Variants in PDE9A observed in about 807,000 individuals in gnomAD.
PDE9A encodes high affinity cGMP-specific 3',5'-cyclic phosphodiesterase 9A.
A neutral mutation model predicts 87.4 loss-of-function variants in PDE9A; 60 were observed. That is an observed-to-expected ratio of 0.69 (90% CI 0.56 to 0.85). The LOEUF (loss-of-function observed/expected upper bound fraction) is 0.85. Among genes scored for constraint, PDE9A ranks in the 40% least tolerant of loss-of-function variants. The pLI is 0.00. For synonymous variants in PDE9A, 272 were observed against 279.4 expected (o/e 0.97, Z 0.27); for missense variants, 665 against 779.0 (o/e 0.85, Z 1.74).
At chr21:42,773,976 G>A (rs1184590856) in intron 19 of PDE9A, among the ~76,000 whole-genome samples, 1 of 151,382 alleles carries the variant, frequency 6.6e-6, no homozygotes, top group African/African-American at 2.4e-5. Context: ...GTGGTGGTGG[G>A]TGCCTGTATT....
intron 4 of PDE9A, among the ~76,000 whole-genome samples, chr21:42,717,217 C>A (rs2050012439): frequency 6.7e-6 from 1 of 148,728 alleles, no homozygotes; most frequent in Non-Finnish European, 1.5e-5. Flanking sequence ...TAAAGCATTT[C>A]TTTTTTCTTT....
In PDE9A at chr21:42,770,832, C is replaced by T. The variant is rs150591881; in HGVS notation, c.1686+34C>T. On this transcript the variant is annotated intron_variant, in intron 18 of 19. Transcript: ENST00000291539. ...CACTGAGAAGAGCCTGCCTTCCTTG[C>T]GGCAAGCAGGCACGCTGCCCTCCGC... 23 of 1,538,044 alleles carry T rather than the reference C, an allele frequency of 1.5e-5. No homozygotes were observed. The East Asian group carries it at 2.3e-4, about 15-fold the overall frequency.
At chr21:42,655,335 A>C (rs1340978036) in intron 1 of PDE9A, among the ~76,000 whole-genome samples, 1 of 152,220 alleles carries the variant, frequency 6.6e-6, no homozygotes, top group Non-Finnish European at 1.5e-5. Context: ...GGTCCGTCCT[A>C]AGAACTTCCT....
At position 42,686,180 on chromosome 21, in the gene PDE9A, T is replaced by C; in HGVS notation, c.70-12T>C. ...GCCCTCGCTGCCGCCTCACCGCGCT[T>C]CTGTTTTGCAGGTAATCTTCAGCAA... On this transcript the variant is annotated splice_polypyrimidine_tract_variant and intron_variant, in intron 1 of 19. Transcript: ENST00000291539. 1 of 1,612,620 alleles carries C rather than the reference T, an allele frequency of 6.2e-7. No homozygotes were observed. The highest frequency in any genetic ancestry group is 2.2e-5 in the East Asian group (1 of 44,858).
Position 42,775,354 on chromosome 21 carries a change from T to G in PDE9A, c.*61T>G. ...CTGGCCGAGCTGCGCGGGATCCTTG[T>G]GCAGGGAAGAGCTGCCCTGGGCACC... is the stretch of plus-strand genomic sequence containing the variant. On this transcript the variant is annotated 3_prime_UTR_variant, in exon 20 of 20. Coordinates refer to ENST00000291539, the MANE Select transcript of PDE9A (RefSeq NM_002606.3). 6.5e-7 allele frequency: 1 copy of G among 1,549,866 alleles called. No individual in the cohort carries two copies.
intron 1 of PDE9A, 46 bp downstream of exon 1, chr21:42,653,929 A>T (rs1451560830): frequency 4.2e-6 from 5 of 1,187,950 alleles, no homozygotes; most frequent in Non-Finnish European, 6.0e-6. Flanking sequence ...CCCGGGTGAC[A>T]GCGCCGGGGC....
Position 42,663,026 on chromosome 21 carries a change from TCA to T in PDE9A, c.69+9150_69+9151del, listed in dbSNP as rs1201345580. Among the ~76,000 whole-genome samples, 125 of 118,832 alleles carry T rather than the reference TCA, an allele frequency of 1.1e-3. 1 individual carries two copies. The highest frequency in any genetic ancestry group is 4.1e-3 in the African/African-American group (122 of 29,608). The allele number at this position is 118,832 out of a possible 152,430, so 78.0% of individuals were successfully genotyped here. On this transcript the variant is annotated intron_variant, in intron 1 of 19. Transcript: ENST00000291539. ...CACGCACACCACACACACGCACATA[TCA>T]CACACATGCACATCACATACATGCA... is the stretch of plus-strand genomic sequence containing the variant.
Position 42,737,317 on chromosome 21 carries a change from G to C in PDE9A, c.568+3891G>C, listed in dbSNP as rs914052141. Among the ~76,000 whole-genome samples the C allele has an allele frequency of 5.3e-5, 8 of 152,250 alleles. 1 individual carries two copies. The highest frequency in any genetic ancestry group is 1.9e-4 in the African/African-American group (8 of 41,460). On this transcript the variant is annotated intron_variant, in intron 7 of 19. Transcript: ENST00000291539. The stretch of plus-strand genomic sequence containing the variant: ...CATGTGAAATCACACAGGCATGTCA[G>C]GATGTCACATATACATGCACACGTG...
At chr21:42,693,943 A>G (rs762087642) in intron 3 of PDE9A, among the ~76,000 whole-genome samples, 1 of 151,174 alleles carries the variant, frequency 6.6e-6, no homozygotes, top group Non-Finnish European at 1.5e-5. Context: ...CCCTCAATTA[A>G]GTCCAGATTT....
Position 42,762,152 on chromosome 21 carries a change from C to T in PDE9A, c.1155C>T (p.His385=), listed in dbSNP as rs1188621540. The T allele has an allele frequency of 6.2e-7, 1 of 1,614,054 alleles. No individual in the cohort carries two copies. Among genetic ancestry groups the T allele is most frequent in the East Asian group, 2.2e-5 (1 of 44,888 alleles). ...ACATCTCACCGCTGGAGAACCACCA[C>T]TGCGCCGTGGCCTTCCAGATCCTCG... The part of the protein sequence containing the change: ...YNDISPLENH[H]CAVAFQILAE... The change falls in exon 14 of 20, where the codon CAC becomes CAT. Residue 385 remains histidine (H), a synonymous_variant. Coordinates refer to ENST00000291539, the MANE Select transcript of PDE9A (RefSeq NM_002606.3).
intron 1 of PDE9A, among the ~76,000 whole-genome samples, chr21:42,670,363 C>T (rs554901300): frequency 8.0e-6 from 1 of 125,526 alleles, no homozygotes; most frequent in Non-Finnish European, 1.6e-5. Flanking sequence ...CACATCCACA[C>T]ACACATTCAC....
Position 42,731,863 on chromosome 21 carries a change from G to T in PDE9A, c.356G>T (p.Arg119Met). ...RRVVGLEQPR[R>M]EGAFESGQVE... ...GTTGTGGGCCTGGAGCAGCCCCGGA[G>T]GGAAGGAGCATTTGAAAGTGGACAG... Residue 119 changes from arginine (R) to methionine (M), a missense_variant, in exon 5 of 20, where the codon AGG (arginine) becomes ATG (methionine). Transcript: ENST00000291539. 1.2e-6 allele frequency: 2 copies of T among 1,614,212 alleles called. No homozygotes were observed. Among genetic ancestry groups the T allele is most frequent in the Non-Finnish European group, 1.7e-6 (2 of 1,180,042 alleles).
At position 42,653,735 on chromosome 21, in the gene PDE9A, T is replaced by TG; in HGVS notation, c.-79dup. On this transcript the variant is annotated 5_prime_UTR_variant, in exon 1 of 20. Coordinates refer to ENST00000291539, the MANE Select transcript of PDE9A (RefSeq NM_002606.3). Reference sequence around the variant, plus strand: ...GCCGCCCCCCGCCCGCCCCCTCCCCTGCTCCCCTCCCCCGCCTCCCGCGGC... The same window carrying TG: ...GCCGCCCCCCGCCCGCCCCCTCCCCTGGCTCCCCTCCCCCGCCTCCCGCGGC... 1 of 200,122 alleles carries TG rather than the reference T, an allele frequency of 5.0e-6. No individual in the cohort carries two copies. Among genetic ancestry groups the TG allele is most frequent in the East Asian group, 4.7e-4 (1 of 2,130 alleles). The allele number at this position is 200,122 out of a possible 1,614,324, so 12.4% of individuals were successfully genotyped here.
intron 8 of PDE9A, 81 bp from the exon 9 acceptor site, chr21:42,751,035 T>C: frequency 1.1e-6 from 1 of 920,380 alleles, no homozygotes; most frequent in Non-Finnish European, 1.8e-6. Flanking sequence ...GGGTTGGGTT[T>C]GTCGCTTGCT....
rs527783192 is a variant in PDE9A, at chr21:42,770,618, G to A, written c.1591-85G>A. Reference sequence around the variant, plus strand: ...GGGACTGGCCCAGAGGTTTCCGCACGGAGCACCTGACACCTGTTTTTCTCC... The same window carrying A: ...GGGACTGGCCCAGAGGTTTCCGCACAGAGCACCTGACACCTGTTTTTCTCC... On this transcript the variant is annotated intron_variant, in intron 17 of 19. Transcript: ENST00000291539. The A allele has an allele frequency of 1.1e-4, 111 of 1,034,622 alleles. 1 individual carries two copies. Among genetic ancestry groups the A allele is most frequent in the Middle Eastern group, 4.1e-4 (2 of 4,902 alleles). 64.1% of individuals were successfully genotyped at this position (1,034,622 alleles called of 1,614,324 possible).
chr21:42,760,855 C>T lies in PDE9A; in HGVS notation c.1033C>T (p.Leu345=), dbSNP rs764952079. Residue 345 remains leucine (L), a synonymous_variant, in exon 13 of 20, where the codon CTA becomes TTA. Transcript: ENST00000291539. The surrounding 1 kb of genome is among the most constrained non-coding windows in gnomAD (Gnocchi z 5.2). The part of the protein sequence containing the change: ...EKFSQTDILI[L]MTAAICHDLD... ...GTTCTCACAAACGGATATCCTGATC[C>T]TAATGACAGCGGCCATCTGCCACGA... The T allele has an allele frequency of 3.1e-6, 5 of 1,611,738 alleles. No individual in the cohort carries two copies. The highest frequency in any genetic ancestry group is 4.5e-5 in the East Asian group (2 of 44,868).
intron 4 of PDE9A, among the ~76,000 whole-genome samples, chr21:42,715,604 G>A (rs1470689402): frequency 6.6e-6 from 1 of 151,608 alleles, no homozygotes; most frequent in African/African-American, 2.4e-5. Context: ...GCGACAGAGA[G>A]AGACTCTGTC....
chr21:42,671,437 A>G (rs1055587551), intron 1 of PDE9A, among the ~76,000 whole-genome samples: 1 of 152,286 alleles, frequency 6.6e-6, no homozygotes, highest in Non-Finnish European at 1.5e-5. Context: ...ATGAGGCTGA[A>G]TACAGATTTT....
intron 7 of PDE9A, 54 bp downstream of exon 7, chr21:42,733,480 A>C: frequency 9.8e-7 from 1 of 1,018,050 alleles, no homozygotes; most frequent in Admixed American, 1.7e-5. Context: ...CCTCTATTCA[A>C]ATTAACCACT....
Sources: allele counts gnomAD v4.1 joint callset (sites outside exome capture counted in the v4.1 genomes callset), GRCh38; gene constraint gnomAD v4.1.1; non-coding constraint Gnocchi (gnomAD v3.1); transcripts MANE v1.5; gene names NCBI Gene and HGNC (gene_info 2026-07-23, HGNC 2026-07-21).